WDPCP: variants seen among roughly 807,000 people sequenced by gnomAD.
WDPCP encodes WD repeat-containing and planar cell polarity effector protein fritz homolog.
Under a neutral mutation model 93.1 loss-of-function variants are expected in WDPCP, and 71 were observed. That is an observed-to-expected ratio of 0.76 (90% CI 0.63 to 0.93). The LOEUF (loss-of-function observed/expected upper bound fraction) is 0.93. Ranked by LOEUF, WDPCP falls within the 40% of genes least tolerant of loss-of-function variation. The probability of loss-of-function intolerance (pLI) is 0.00; values close to 1 mark genes in which losing one functional copy is unlikely to be tolerated. For synonymous variants in WDPCP, 315 were observed against 315.0 expected, an observed-to-expected ratio of 1.00 and a Z score of 0.00; for missense variants, 844 against 887.4, an observed-to-expected ratio of 0.95 and a Z score of 0.62.
At chr2:63,550,904 T>C (rs1397261190) in intron 1 of WDPCP, among the ~76,000 whole-genome samples, 2 of 152,074 alleles carry the variant, frequency 1.3e-5, no homozygotes, top group Non-Finnish European at 2.9e-5. Flanking sequence ...AAAATTGAAC[T>C]TCTCTTCACC....
At chr2:63,568,033 G>A (rs1237839398) in intron 1 of WDPCP, among the ~76,000 whole-genome samples, 1 of 152,076 alleles carries the variant, frequency 6.6e-6, no homozygotes, top group Admixed American at 6.5e-5. Context: ...TTCCATTATG[G>A]GTAGATTAAG....
At chr2:63,246,039 A>T (rs1449993278) in intron 14 of WDPCP, among the ~76,000 whole-genome samples, 1 of 152,178 alleles carries the variant, frequency 6.6e-6, no homozygotes, top group Non-Finnish European at 1.5e-5. Context: ...ACACCAGAAC[A>T]AGTCTATAAT....
chr2:63,774,290 C>T (rs1002808809), intron 2 of WDPCP, among the ~76,000 whole-genome samples: 11 of 152,038 alleles, frequency 7.2e-5, no homozygotes, highest in South Asian at 2.1e-4. Flanking sequence ...CATTATGGAG[C>T]GAATGTAAAA....
In WDPCP at chr2:63,455,413, G is replaced by GATATATATAT. The variant is rs59481179; in HGVS notation, c.385-15552_385-15543dup. Among the ~76,000 whole-genome samples the GATATATATAT allele has an allele frequency of 1.4e-3, 200 of 140,930 alleles. 2 individuals carry two copies. The highest frequency in any genetic ancestry group is 7.4e-3 in the Middle Eastern group (2 of 270). 92.5% of individuals were successfully genotyped at this position (140,930 alleles called of 152,430 possible). A position where few individuals can be genotyped will look rare whatever the true frequency, so the allele number is the denominator to read the frequency against. On this transcript the variant is annotated intron_variant, in intron 6 of 17. Coordinates refer to ENST00000272321, the MANE Select transcript of WDPCP (RefSeq NM_015910.7). The stretch of plus-strand genomic sequence containing the variant: ...CTAAGAAATGTACTTTACTTGTAAA[G>GATATATATAT]ATATATATATATATATATATATATA...
At chr2:63,375,835 A>G (rs1447860332) in intron 12 of WDPCP, among the ~76,000 whole-genome samples, 2 of 151,898 alleles carry the variant, frequency 1.3e-5, no homozygotes, top group African/African-American at 2.4e-5. Context: ...AAATAATCCA[A>G]TCCAAATTCA....
intron 1 of WDPCP, among the ~76,000 whole-genome samples, chr2:63,550,056 T>C (rs920749132): frequency 1.4e-4 from 14 of 98,606 alleles, no homozygotes; most frequent in Non-Finnish European, 2.0e-4. Context: ...CATCAACCAA[T>C]GCTTTCTCTC....
At position 63,205,625 on chromosome 2, in the gene WDPCP, A is replaced by G. The variant is rs867011823; in HGVS notation, c.1916-30793T>C. Reference sequence around the variant, plus strand: ...ATTACTTTTTAAATTTCTTCTTCACATTGTTCATTGTTGGGATATAGAAAT... The same window carrying G: ...ATTACTTTTTAAATTTCTTCTTCACGTTGTTCATTGTTGGGATATAGAAAT... On this transcript the variant is annotated intron_variant, in intron 14 of 17. Coordinates refer to ENST00000272321, the MANE Select transcript of WDPCP (RefSeq NM_015910.7). Among the ~76,000 whole-genome samples, 3 of 152,084 alleles carry G rather than the reference A, an allele frequency of 2.0e-5. No homozygotes were observed. The East Asian group carries it at 5.8e-4, about 29-fold the overall frequency.
At chr2:63,514,740 C>T (rs1296627017) in intron 1 of WDPCP, among the ~76,000 whole-genome samples, 41 of 152,100 alleles carry the variant, frequency 2.7e-4, no homozygotes, top group Admixed American at 2.4e-3. Flanking sequence ...AATGAAAATA[C>T]GGGTTTAGGA....
chr2:63,448,186 T>C (rs1453130272), intron 6 of WDPCP, among the ~76,000 whole-genome samples: 1 of 151,990 alleles, frequency 6.6e-6, no homozygotes, highest in Non-Finnish European at 1.5e-5. Flanking sequence ...ATATACCTCC[T>C]TGTCCATTCT....
chr2:63,134,849 G>A (rs573696994), intron 17 of WDPCP, among the ~76,000 whole-genome samples: 20 of 152,262 alleles, frequency 1.3e-4, no homozygotes, highest in African/African-American at 4.1e-4. Context: ...ATTGGGGGGC[G>A]CTGTGGCTCA....
intron 2 of WDPCP, among the ~76,000 whole-genome samples, chr2:63,724,820 TC>T (rs942513145): frequency 7.2e-5 from 11 of 152,208 alleles, no homozygotes; most frequent in African/African-American, 2.7e-4. Flanking sequence ...TGAACTGTTA[TC>T]CTGAAAAGCC....
chr2:63,126,205 A>T (rs1669891360), intron 17 of WDPCP, among the ~76,000 whole-genome samples: 1 of 152,184 alleles, frequency 6.6e-6, no homozygotes, highest in South Asian at 2.1e-4. Context: ...AAGTGCTGGG[A>T]TTACAGGTGT....
At chr2:63,634,906 G>A (rs1448481122) in intron 3 of WDPCP, among the ~76,000 whole-genome samples, 3 of 151,760 alleles carry the variant, frequency 2.0e-5, no homozygotes, top group Non-Finnish European at 4.4e-5. Flanking sequence ...GAAATAGAGA[G>A]TAGAAAAGCA....
intron 6 of WDPCP, among the ~76,000 whole-genome samples, chr2:63,445,501 G>A (rs1224075674): frequency 6.6e-6 from 1 of 152,030 alleles, no homozygotes; most frequent in Non-Finnish European, 1.5e-5. Context: ...TTAAAATCCT[G>A]CTAACTATAT....
At chr2:63,609,525 CAAAT>C (rs1193366946) in intron 3 of WDPCP, among the ~76,000 whole-genome samples, 3 of 152,028 alleles carry the variant, frequency 2.0e-5, no homozygotes. Context: ...AAGAAAAAAA[CAAAT>C]GAATCAAACA....
intron 17 of WDPCP, among the ~76,000 whole-genome samples, chr2:63,145,837 G>A (rs1157221750): frequency 1.3e-5 from 2 of 152,208 alleles, no homozygotes; most frequent in Non-Finnish European, 2.9e-5. Context: ...TCCTGTTCAT[G>A]AGCATGGAAT....
chr2:63,395,735 C>T (rs991895001), intron 10 of WDPCP, among the ~76,000 whole-genome samples: 7 of 151,138 alleles, frequency 4.6e-5, no homozygotes, highest in Non-Finnish European at 8.9e-5. Flanking sequence ...TTGAACTGTA[C>T]TTTTTTTTTG....
chr2:63,337,138 C>A (rs936254912), intron 12 of WDPCP, among the ~76,000 whole-genome samples: 4 of 152,102 alleles, frequency 2.6e-5, no homozygotes, highest in African/African-American at 9.7e-5. Context: ...GTGATCCACC[C>A]ACCTCAGCCT....
intron 2 of WDPCP, among the ~76,000 whole-genome samples, chr2:63,754,500 A>T (rs1669930905): frequency 1.3e-5 from 2 of 152,352 alleles, no homozygotes; most frequent in South Asian, 2.1e-4. Context: ...GGGGAATAAT[A>T]CTCTCACAGA....
Sources: gnomAD v4.1 joint callset for allele counts (sites outside exome capture counted in the v4.1 genomes callset) on GRCh38, gnomAD v4.1.1 for gene constraint, MANE v1.5 for transcripts, NCBI Gene and HGNC (gene_info 2026-07-23, HGNC 2026-07-21) for gene names.